The following FREM2 variants were observed in gnomAD, a reference collection of about 807,000 sequenced individuals.
The protein encoded by FREM2 is FRAS1-related extracellular matrix protein 2.
A neutral mutation model predicts 219.9 loss-of-function variants in FREM2; 119 were observed. The observed-to-expected ratio is 0.54, with a 90% confidence interval of 0.47 to 0.63. The LOEUF (loss-of-function observed/expected upper bound fraction) is 0.63. FREM2 is among the 30% of genes least tolerant of loss of function. The probability of loss-of-function intolerance (pLI) is 0.00; values close to 1 mark genes in which losing one functional copy is unlikely to be tolerated. For missense variants in FREM2, 4,030 were observed against 3,993.6 expected, an observed-to-expected ratio of 1.01 and a Z score of -0.25; for synonymous variants, 1,562 against 1,522.8, an observed-to-expected ratio of 1.03 and a Z score of -0.60.
chr13:38,758,523 G>A (rs1219848660), intron 2 of FREM2, among the ~76,000 whole-genome samples: 2 of 152,130 alleles, frequency 1.3e-5, no homozygotes, highest in East Asian at 1.9e-4. Context: ...AGGTGCCTGT[G>A]CCATCTCCCG....
At chr13:38,742,511 T>A (rs1872289227) in intron 2 of FREM2, among the ~76,000 whole-genome samples, 1 of 152,206 alleles carries the variant, frequency 6.6e-6, no homozygotes, top group Non-Finnish European at 1.5e-5. Flanking sequence ...GCTGGGTTTT[T>A]CCCAATGATG....
chr13:38,691,438 C>T lies in FREM2; in HGVS notation c.4094C>T (p.Thr1365Ile), dbSNP rs369084911. 4 of 1,614,038 alleles carry T rather than the reference C, an allele frequency of 2.5e-6. No individual in the cohort carries two copies. The African/African-American group carries it at 5.3e-5, about 22-fold the overall frequency. ...CCTACTGGTGCCTTTGAAAATATCA[C>T]ACTGGGCATGAATTTTACCCAGGAT... is the stretch of plus-strand genomic sequence containing the variant. ...RKPTGAFENI[T>I]LGMNFTQDEV... The change falls in exon 1 of 24, where the codon ACA becomes ATA. Residue 1365 changes from threonine to isoleucine, a missense_variant. Thr to Ile is a moderately conservative substitution (Grantham distance 89, BLOSUM62 -1). This residue lies in a region of FREM2 where 3,102 missense variants were observed against 2,950.7 expected (regional missense o/e 1.05). Transcript: ENST00000280481.
At chr13:38,845,198 T>G (rs1004078491) in intron 6 of FREM2, among the ~76,000 whole-genome samples, 3 of 152,202 alleles carry the variant, frequency 2.0e-5, no homozygotes, top group East Asian at 3.8e-4. Context: ...ACTTTTCCAG[T>G]TTAAATAAAG....
chr13:38,719,440 C>T lies in FREM2; in HGVS notation c.5263+21653C>T, dbSNP rs575109267. Among the ~76,000 whole-genome samples the T allele has an allele frequency of 1.6e-4, 25 of 152,194 alleles. No individual in the cohort carries two copies. The South Asian group carries it at 1.9e-3, about 11-fold the overall frequency. ...TTCGCCATGTTGGCCAGGCTGGTTC[C>T]GAACCCCTGACCTTAGGTGATCCGC... On this transcript the variant is annotated intron_variant, in intron 2 of 23. Coordinates refer to ENST00000280481, the MANE Select transcript of FREM2 (RefSeq NM_207361.6).
chr13:38,734,230 A>T (rs1010184812), intron 2 of FREM2, among the ~76,000 whole-genome samples: 1 of 152,054 alleles, frequency 6.6e-6, no homozygotes, highest in Non-Finnish European at 1.5e-5. Flanking sequence ...ACAAAATAAC[A>T]TGTGTTACCC....
At chr13:38,712,191 G>C (rs999926624) in intron 2 of FREM2, among the ~76,000 whole-genome samples, 4 of 152,080 alleles carry the variant, frequency 2.6e-5, no homozygotes, top group African/African-American at 9.7e-5. Flanking sequence ...ACCGCGCCCA[G>C]CCCCTGAGAG....
At chr13:38,843,859 T>A (rs1050952325) in intron 6 of FREM2, among the ~76,000 whole-genome samples, 2 of 152,030 alleles carry the variant, frequency 1.3e-5, no homozygotes, top group Non-Finnish European at 2.9e-5. Context: ...TTTTTTTAAT[T>A]CATGGCACAA....
At chr13:38,803,429 G>C (rs890865782) in intron 6 of FREM2, among the ~76,000 whole-genome samples, 1 of 152,042 alleles carries the variant, frequency 6.6e-6, no homozygotes, top group Admixed American at 6.6e-5. Flanking sequence ...TAAAATTTTT[G>C]TACTGCAGCA....
chr13:38,687,329 C>G lies in FREM2; in HGVS notation c.-16C>G. 5.0e-6 allele frequency: 8 copies of G among 1,589,312 alleles called. No homozygotes were observed. The highest frequency in any genetic ancestry group is 6.9e-6 in the Non-Finnish European group (8 of 1,167,858). On this transcript the variant is annotated 5_prime_UTR_variant, in exon 1 of 24. Coordinates refer to ENST00000280481, the MANE Select transcript of FREM2 (RefSeq NM_207361.6). ...ATGCTCTCAGGCTGACCTGTCCAAG[C>G]CCGAACACCGGGACCATGCACTCAG...
At chr13:38,788,686 A>G (rs1401734978) in intron 6 of FREM2, among the ~76,000 whole-genome samples, 2 of 152,016 alleles carry the variant, frequency 1.3e-5, no homozygotes. Context: ...TTATTTTGTC[A>G]TATTGTGCCC....
rs191572701 is a variant in FREM2 at position 38,829,205 on chromosome 13, A to C, written c.6020-17368A>C. Reference sequence around the variant, plus strand: ...ATTCAGTAAGGGGTAGAACATAAGCAGTCTTAACAAAGCAAAGTTATTTAA... The same window carrying C: ...ATTCAGTAAGGGGTAGAACATAAGCCGTCTTAACAAAGCAAAGTTATTTAA... On this transcript the variant is annotated intron_variant, in intron 6 of 23. Coordinates refer to ENST00000280481, the MANE Select transcript of FREM2 (RefSeq NM_207361.6). Among the ~76,000 whole-genome samples, 314 of 152,280 alleles carry C rather than the reference A, an allele frequency of 2.1e-3. 2 individuals carry two copies. Among genetic ancestry groups the C allele is most frequent in the African/African-American group, 6.6e-3 (276 of 41,576 alleles).
intron 16 of FREM2, among the ~76,000 whole-genome samples, chr13:38,867,458 A>C (rs1471412826): frequency 1.3e-5 from 2 of 152,250 alleles, no homozygotes; most frequent in Non-Finnish European, 2.9e-5. Context: ...AATTTAATAA[A>C]ACATGTTGCT....
rs574100875 is a variant in FREM2, at chr13:38,695,315, T to C, written c.5174-2383T>C. ...TGAACCATGAATTATTAATTAATTA[T>C]ATGAAAAATATAAAAGGTTTTAGTA... On this transcript the variant is annotated intron_variant, in intron 1 of 23. Coordinates refer to ENST00000280481, the MANE Select transcript of FREM2 (RefSeq NM_207361.6). 3.9e-5 allele frequency among the ~76,000 whole-genome samples: 6 copies of C among 152,242 alleles called. No homozygotes were observed. In the East Asian group the frequency reaches 5.8e-4, roughly 15 times the overall value.
intron 6 of FREM2, among the ~76,000 whole-genome samples, chr13:38,814,260 G>C (rs572877511): frequency 2.8e-4 from 42 of 152,242 alleles, no homozygotes; most frequent in African/African-American, 1.0e-3. Flanking sequence ...GTAGATACTT[G>C]TCAGTGTCTG....
intron 2 of FREM2, among the ~76,000 whole-genome samples, chr13:38,726,323 C>T (rs1871523334): frequency 6.6e-6 from 1 of 152,030 alleles, no homozygotes; most frequent in Admixed American, 6.6e-5. Flanking sequence ...ATGTCAGAGC[C>T]AGATAGAGGA....
chr13:38,850,946 GAGAC>G lies in FREM2; in HGVS notation c.6584_6587del (p.Thr2195LysfsTer8). ...ACCTGCTGACATTATTGTTCCAGGT[GAGAC>G]AGAAAAGCCCTGCATTCTTGAGCTG... On this transcript the variant is annotated frameshift_variant, in exon 10 of 24. Coordinates refer to ENST00000280481, the MANE Select transcript of FREM2 (RefSeq NM_207361.6). LOFTEE classifies it high-confidence loss of function. 1 of 1,611,530 alleles carries G rather than the reference GAGAC, an allele frequency of 6.2e-7. No individual in the cohort carries two copies. Among genetic ancestry groups the G allele is most frequent in the Non-Finnish European group, 8.5e-7 (1 of 1,179,876 alleles).
chr13:38,827,825 T>C (rs572761828), intron 6 of FREM2, among the ~76,000 whole-genome samples: 1 of 152,136 alleles, frequency 6.6e-6, no homozygotes, highest in South Asian at 2.1e-4. Flanking sequence ...GTTGGTAGAG[T>C]TGAACCTGTT....
chr13:38,795,301 G>C (rs774658817), intron 6 of FREM2, among the ~76,000 whole-genome samples: 1 of 149,212 alleles, frequency 6.7e-6, no homozygotes, highest in African/African-American at 2.4e-5. Flanking sequence ...CCCTGGATGA[G>C]GTGTCCTATA....
chr13:38,726,515 A>G (rs998503224), intron 2 of FREM2, among the ~76,000 whole-genome samples: 2 of 152,166 alleles, frequency 1.3e-5, no homozygotes, highest in South Asian at 2.1e-4. Flanking sequence ...TAATTAATAC[A>G]GGGTCAGAGG....
Sources: gnomAD v4.1 joint callset for allele counts (sites outside exome capture counted in the v4.1 genomes callset) on GRCh38, gnomAD v4.1.1 for gene constraint, gnomAD v4.1.1 regional missense constraint, MANE v1.5 for transcripts, NCBI Gene and HGNC (gene_info 2026-07-23, HGNC 2026-07-21) for gene names.